SLC4A10: variants seen among roughly 807,000 people sequenced by gnomAD.
SLC4A10 encodes the protein sodium-driven chloride bicarbonate exchanger.
SLC4A10 carries 42 observed loss-of-function variants against 137.7 expected under a neutral mutation model. The observed-to-expected ratio is 0.30, with a 90% CI of 0.24 to 0.39. SLC4A10 has a LOEUF of 0.39. Among genes scored for constraint, SLC4A10 ranks in the 10% least tolerant of loss-of-function variants. The pLI, the probability that SLC4A10 is intolerant of heterozygous loss-of-function variation, is 1.00. For synonymous variants in SLC4A10, 474 were observed against 464.1 expected, an observed-to-expected ratio of 1.02 and a Z score of -0.27; for missense variants, 925 against 1,355.0, an observed-to-expected ratio of 0.68 and a Z score of 4.98.
intron 9 of SLC4A10, among the ~76,000 whole-genome samples, chr2:161,879,745 G>A (rs1031468192): frequency 7.9e-5 from 12 of 151,960 alleles, no homozygotes; most frequent in African/African-American, 2.2e-4. Flanking sequence ...AAGTGCCATC[G>A]TTAGGATAGC....
chr2:161,646,595 A>G (rs2036061161), intron 1 of SLC4A10, among the ~76,000 whole-genome samples: 1 of 152,018 alleles, frequency 6.6e-6, no homozygotes, highest in Non-Finnish European at 1.5e-5. Flanking sequence ...TTATCCTTGT[A>G]TAGCCTGTTA....
chr2:161,730,248 A>G (rs560142613), intron 1 of SLC4A10, among the ~76,000 whole-genome samples: 1 of 152,226 alleles, frequency 6.6e-6, no homozygotes, highest in Non-Finnish European at 1.5e-5. Context: ...TAGGACTAAC[A>G]GTATTATCTT....
intron 1 of SLC4A10, among the ~76,000 whole-genome samples, chr2:161,653,549 T>A (rs532079485): frequency 2.6e-5 from 4 of 152,266 alleles, no homozygotes; most frequent in African/African-American, 9.6e-5. Flanking sequence ...CTAACTGGCA[T>A]GAGATGGTAT....
chr2:161,639,835 C>T (rs1231371408), intron 1 of SLC4A10, among the ~76,000 whole-genome samples: 2 of 152,110 alleles, frequency 1.3e-5, no homozygotes, highest in Non-Finnish European at 2.9e-5. Flanking sequence ...CAAAACTTGT[C>T]CCTGTTTGCA....
chr2:161,904,256 T>A (rs1259147519), intron 13 of SLC4A10, 78 bp downstream of exon 13: 2 of 1,416,682 alleles, frequency 1.4e-6, no homozygotes, highest in Non-Finnish European at 1.9e-6. Flanking sequence ...GAGCATTTAA[T>A]TTTGGATTCT....
At chr2:161,902,915 A>G (rs569147926) in intron 12 of SLC4A10, among the ~76,000 whole-genome samples, 1 of 152,300 alleles carries the variant, frequency 6.6e-6, no homozygotes, top group East Asian at 1.9e-4. Flanking sequence ...TGATCCAAGT[A>G]TACTCAGCAT....
At chr2:161,693,224 G>T (rs1429871706) in intron 1 of SLC4A10, among the ~76,000 whole-genome samples, 1 of 152,020 alleles carries the variant, frequency 6.6e-6, no homozygotes, top group African/African-American at 2.4e-5. Flanking sequence ...TGGCAGTATT[G>T]TTCTATACAG....
Position 161,661,036 on chromosome 2 carries a change from A to T in SLC4A10, c.48+36470A>T, listed in dbSNP as rs192930697. On this transcript the variant is annotated intron_variant, in intron 1 of 26. Coordinates refer to ENST00000446997, the MANE Select transcript of SLC4A10 (RefSeq NM_001178015.2). ...GAATAAGATTTCAGGAGCACCCCAG[A>T]TCACATATTGTCCATTTAAAATTAT... Among the ~76,000 whole-genome samples, 4 of 152,094 alleles carry T rather than the reference A, an allele frequency of 2.6e-5. No individual in the cohort carries two copies. In the South Asian group the frequency reaches 6.2e-4, roughly 24 times the overall value.
intron 1 of SLC4A10, among the ~76,000 whole-genome samples, chr2:161,641,181 G>A (rs2035273452): frequency 6.6e-6 from 1 of 151,944 alleles, no homozygotes; most frequent in Admixed American, 6.6e-5. Context: ...CAATCTTACT[G>A]TTTATTACAA....
intron 1 of SLC4A10, among the ~76,000 whole-genome samples, chr2:161,764,140 A>G (rs1272615608): frequency 6.6e-6 from 1 of 152,194 alleles, no homozygotes; most frequent in Non-Finnish European, 1.5e-5. Context: ...TGACTGAATT[A>G]TGGCGCATCC....
chr2:161,905,844 C>G lies in SLC4A10; in HGVS notation c.1954C>G (p.Pro652Ala). 1 of 1,613,740 alleles carries G rather than the reference C, an allele frequency of 6.2e-7. No homozygotes were observed. Among genetic ancestry groups the G allele is most frequent in the South Asian group, 1.1e-5 (1 of 91,038 alleles). Reference protein sequence around the residue: ...EKLFELSEAYPINMHNDLELL... With the variant: ...EKLFELSEAYAINMHNDLELL... The stretch of plus-strand genomic sequence containing the variant: ...GTTGTTTGAACTCAGTGAAGCATAT[C>G]CAATCAACATGCATAATGATCTGGA... Residue 652 changes from proline (P) to alanine (A), a missense_variant, in exon 15 of 27, where the codon CCA (proline) becomes GCA (alanine). This residue lies in a region of SLC4A10 where 91 missense variants were observed against 95.6 expected (regional missense o/e 0.95). Transcript: ENST00000446997.
At chr2:161,654,875 A>C (rs962798198) in intron 1 of SLC4A10, among the ~76,000 whole-genome samples, 1 of 152,276 alleles carries the variant, frequency 6.6e-6, no homozygotes, top group Non-Finnish European at 1.5e-5. Flanking sequence ...TTGTGGTCTC[A>C]TATGAATTGC....
intron 1 of SLC4A10, among the ~76,000 whole-genome samples, chr2:161,716,034 C>CTT (rs2044831003): frequency 6.6e-6 from 1 of 152,000 alleles, no homozygotes; most frequent in Non-Finnish European, 1.5e-5. Context: ...TTCTGACTGG[C>CTT]ATGAGATGGT....
At chr2:161,674,707 A>G (rs1333711196) in intron 1 of SLC4A10, among the ~76,000 whole-genome samples, 1 of 152,210 alleles carries the variant, frequency 6.6e-6, no homozygotes, top group Non-Finnish European at 1.5e-5. Context: ...TTGGGAGGAA[A>G]GTCATCTTCA....
At chr2:161,811,524 T>G (rs907568814) in intron 3 of SLC4A10, among the ~76,000 whole-genome samples, 5 of 152,078 alleles carry the variant, frequency 3.3e-5, no homozygotes, top group Admixed American at 1.3e-4. Flanking sequence ...TATGAAGTTA[T>G]GACTCAAGGA....
intron 5 of SLC4A10, among the ~76,000 whole-genome samples, chr2:161,860,665 T>A (rs2060383771): frequency 6.6e-6 from 1 of 152,190 alleles, no homozygotes; most frequent in Non-Finnish European, 1.5e-5. Flanking sequence ...GAAAAATAGA[T>A]TTAAATATTA....
intron 3 of SLC4A10, among the ~76,000 whole-genome samples, chr2:161,805,789 G>A (rs1003833079): frequency 6.6e-6 from 1 of 152,194 alleles, no homozygotes; most frequent in African/African-American, 2.4e-5. Context: ...GTGTCTTGTT[G>A]CTTTTCCGGA....
At chr2:161,707,062 G>T (rs753399916) in intron 1 of SLC4A10, among the ~76,000 whole-genome samples, 3 of 151,498 alleles carry the variant, frequency 2.0e-5, no homozygotes, top group Non-Finnish European at 4.4e-5. Context: ...GCTTAGGAAG[G>T]CTTTATTGAG....
intron 1 of SLC4A10, among the ~76,000 whole-genome samples, chr2:161,687,780 A>C (rs527958547): frequency 2.0e-5 from 3 of 152,148 alleles, no homozygotes; most frequent in Non-Finnish European, 4.4e-5. Context: ...ACGAGATCTC[A>C]TGATTTTACA....
Sources: gnomAD v4.1 joint callset for allele counts (sites outside exome capture counted in the v4.1 genomes callset) on GRCh38, gnomAD v4.1.1 for gene constraint, gnomAD v4.1.1 regional missense constraint, MANE v1.5 for transcripts, NCBI Gene and HGNC (gene_info 2026-07-23, HGNC 2026-07-21) for gene names.